SDK1: variants seen among roughly 807,000 people sequenced by gnomAD.
SDK1 encodes protein sidekick-1.
In SDK1, 157 loss-of-function variants were observed where a neutral mutation model predicts 245.5. The observed-to-expected ratio is 0.64, with a 90% CI of 0.56 to 0.73. The LOEUF (loss-of-function observed/expected upper bound fraction) is 0.73. Among genes scored for constraint, SDK1 ranks in the 30% least tolerant of loss-of-function variants. The pLI, the probability that SDK1 is intolerant of heterozygous loss-of-function variation, is 0.00. For missense variants in SDK1, 3,583 were observed against 3,002.3 expected (o/e 1.19, Z -4.52); for synonymous variants, 1,647 against 1,278.5 (o/e 1.29, Z -6.15).
chr7:3,521,133 G>A (rs566796638), intron 1 of SDK1, among the ~76,000 whole-genome samples: 12 of 152,262 alleles, frequency 7.9e-5, no homozygotes, highest in African/African-American at 2.6e-4. Context: ...TTGGCCAGGG[G>A]CTGGTCTTTG....
At chr7:3,709,886 G>T (rs1031383366) in intron 4 of SDK1, among the ~76,000 whole-genome samples, 1 of 152,124 alleles carries the variant, frequency 6.6e-6, no homozygotes, top group African/African-American at 2.4e-5. Context: ...AGGGGTCCTG[G>T]CCCCAGCTGC....
chr7:3,643,891 A>G (rs757697386), intron 4 of SDK1: 1 of 148,638 alleles, frequency 6.7e-6, no homozygotes, highest in Admixed American at 6.8e-5. Context: ...ATTAATAATT[A>G]TATAATACTT....
At chr7:3,329,580 A>G (rs1325993639) in intron 1 of SDK1, among the ~76,000 whole-genome samples, 3 of 152,146 alleles carry the variant, frequency 2.0e-5, no homozygotes, top group Non-Finnish European at 2.9e-5. Context: ...TTGCGTCTCT[A>G]TAGATTTGCC....
At chr7:4,094,990 C>A (rs1782054422) in intron 22 of SDK1, among the ~76,000 whole-genome samples, 1 of 152,206 alleles carries the variant, frequency 6.6e-6, no homozygotes, top group South Asian at 2.1e-4. Flanking sequence ...TTTGTCGAAA[C>A]ATTTTGGATC....
At chr7:3,498,447 T>A (rs544032545) in intron 1 of SDK1, among the ~76,000 whole-genome samples, 2 of 152,310 alleles carry the variant, frequency 1.3e-5, no homozygotes, top group East Asian at 1.9e-4. Flanking sequence ...TGATAGTAGC[T>A]TTCTCATTGC....
intron 11 of SDK1, among the ~76,000 whole-genome samples, chr7:3,970,453 G>A (rs940111528): frequency 2.6e-5 from 4 of 152,166 alleles, no homozygotes; most frequent in Admixed American, 1.3e-4. Flanking sequence ...CAGCCACTTC[G>A]TTCATTCTGT....
rs143484450 is a variant in SDK1 at position 4,077,039 on chromosome 7, C to G, written c.3052C>G (p.Arg1018Gly). The G allele has an allele frequency of 3.1e-6, 5 of 1,614,072 alleles. No individual in the cohort carries two copies. Among genetic ancestry groups the G allele is most frequent in the Non-Finnish European group, 4.2e-6 (5 of 1,180,030 alleles). Residue 1018 changes from arginine to glycine, a missense_variant, in exon 21 of 45, where the codon CGT becomes GGT. By Grantham distance (125) the Arg-to-Gly change is moderately radical. Coordinates refer to ENST00000404826, the MANE Select transcript of SDK1 (RefSeq NM_152744.4). ...GGAAGTGTACGGCAGGAACGACTCT[C>G]GTCTCACGCACACCCTGAACAGCAC... Reference protein sequence around the residue: ...SWEVYGRNDSRLTHTLNSTTH... With the variant: ...SWEVYGRNDSGLTHTLNSTTH...
chr7:4,027,239 C>T (rs527314390), intron 17 of SDK1, among the ~76,000 whole-genome samples: 1 of 152,304 alleles, frequency 6.6e-6, no homozygotes. Context: ...TGAAATTTCA[C>T]TGTGTAGAGA....
chr7:3,609,025 A>T (rs956361342), intron 1 of SDK1, among the ~76,000 whole-genome samples: 4 of 152,146 alleles, frequency 2.6e-5, no homozygotes, highest in African/African-American at 7.2e-5. Flanking sequence ...CACTGGAAAA[A>T]TTTGAAAAAG....
chr7:3,620,872 A>G (rs971551636), intron 2 of SDK1, among the ~76,000 whole-genome samples: 6 of 119,646 alleles, frequency 5.0e-5, no homozygotes. Context: ...GACTGCTTAC[A>G]TTATTGGGCC....
intron 30 of SDK1, among the ~76,000 whole-genome samples, chr7:4,151,480 C>A (rs992534865): frequency 6.6e-6 from 1 of 152,164 alleles, no homozygotes; most frequent in African/African-American, 2.4e-5. Flanking sequence ...AAAGCTGTTC[C>A]GTCCCCACAA....
chr7:3,647,464 A>G (rs6980237), intron 4 of SDK1, among the ~76,000 whole-genome samples: 5,625 of 152,256 alleles, frequency 0.037, 321 homozygotes, highest in African/African-American at 0.12. Context: ...TCTGTCTCCC[A>G]TGCTGGAGTG....
intron 22 of SDK1, among the ~76,000 whole-genome samples, chr7:4,090,226 G>A (rs1268664406): frequency 6.6e-6 from 1 of 152,126 alleles, no homozygotes; most frequent in Non-Finnish European, 1.5e-5. Context: ...TCAGTATTTT[G>A]TGAGAAGATA....
At chr7:3,890,991 AC>A (rs1781445142) in intron 5 of SDK1, among the ~76,000 whole-genome samples, 1 of 152,208 alleles carries the variant, frequency 6.6e-6, no homozygotes, top group African/African-American at 2.4e-5. Context: ...ACTGGGCCCA[AC>A]CAGGCCAGCC....
intron 1 of SDK1, among the ~76,000 whole-genome samples, chr7:3,541,129 C>T (rs1011156508): frequency 6.6e-6 from 1 of 152,126 alleles, no homozygotes; most frequent in African/African-American, 2.4e-5. Flanking sequence ...CATTCTGATT[C>T]GAAATTGAAC....
chr7:4,085,231 ATACTAT>A (rs1781354392), intron 22 of SDK1, among the ~76,000 whole-genome samples: 1 of 152,222 alleles, frequency 6.6e-6, no homozygotes, highest in Admixed American at 6.5e-5. Context: ...TAAAACACAA[ATACTAT>A]TAGGAGTTTC....
In SDK1 at chr7:3,690,670, G is replaced by A. The variant is rs115629590; in HGVS notation, c.713+48565G>A. 1.8e-3 allele frequency among the ~76,000 whole-genome samples: 275 copies of A among 152,272 alleles called. 2 individuals carry two copies. Among genetic ancestry groups the A allele is most frequent in the African/African-American group, 6.4e-3 (266 of 41,558 alleles). ...AATGTTGTTTATAGAAAGTAAGAAA[G>A]CAGGTCTTCTTTTGTAAGATTCCAT... On this transcript the variant is annotated intron_variant, in intron 4 of 44. Coordinates refer to ENST00000404826, the MANE Select transcript of SDK1 (RefSeq NM_152744.4).
intron 5 of SDK1, among the ~76,000 whole-genome samples, chr7:3,915,611 A>G (rs1779347312): frequency 6.6e-6 from 1 of 152,174 alleles, no homozygotes. Context: ...CTGCGAGTCC[A>G]TTAAGCCTCT....
intron 16 of SDK1, 123 bp from the exon 17 acceptor site, chr7:4,017,048 C>A: frequency 1.1e-6 from 1 of 888,632 alleles, no homozygotes; most frequent in Non-Finnish European, 1.6e-6. Context: ...TAGGGCTGAC[C>A]TCTCAGCTCT....
Sources: allele counts gnomAD v4.1 joint callset (sites outside exome capture counted in the v4.1 genomes callset), GRCh38; gene constraint gnomAD v4.1.1; transcripts MANE v1.5; gene names NCBI Gene and HGNC (gene_info 2026-07-23, HGNC 2026-07-21).